Variants in GSE1 observed in about 807,000 individuals in gnomAD.
The protein encoded by GSE1 is genetic suppressor element 1.
Under a neutral mutation model 112.6 loss-of-function variants are expected in GSE1, and 32 were observed. That is an observed-to-expected ratio of 0.28 (90% CI 0.21 to 0.38). The LOEUF is 0.38. GSE1 is among the 10% of genes least tolerant of loss of function. The probability of loss-of-function intolerance (pLI) is 1.00; values close to 1 mark genes in which losing one functional copy is unlikely to be tolerated. For synonymous variants in GSE1, 1,115 were observed against 735.6 expected, an observed-to-expected ratio of 1.52 and a Z score of -8.35; for missense variants, 2,348 against 1,699.2, an observed-to-expected ratio of 1.38 and a Z score of -6.71.
chr16:85,613,223 C>T (rs1367703448), upstream of GSE1: 2 of 1,495,598 alleles, frequency 1.3e-6, no homozygotes, highest in Admixed American at 2.3e-5. Flanking sequence ...GTGTCCTCGG[C>T]GGCGACAGCA....
At chr16:85,571,619 C>T (rs1198320214) in intron 1 of GSE1, among the ~76,000 whole-genome samples, 3 of 152,218 alleles carry the variant, frequency 2.0e-5, no homozygotes, top group Non-Finnish European at 4.4e-5. Flanking sequence ...AGGTCTTTGC[C>T]GTGTTTGGGG....
intron 1 of GSE1, among the ~76,000 whole-genome samples, chr16:85,243,635 G>A (rs533576595): frequency 1.3e-5 from 2 of 152,372 alleles, no homozygotes; most frequent in Non-Finnish European, 1.5e-5. Context: ...GATGTTGTGA[G>A]TGGAGGAGCA....
At chr16:85,428,129 A>G (rs1325505009) in intron 2 of GSE1, among the ~76,000 whole-genome samples, 1 of 152,178 alleles carries the variant, frequency 6.6e-6, no homozygotes, top group Non-Finnish European at 1.5e-5. Flanking sequence ...GAACTGGTGC[A>G]TCTCGCCCAC....
rs7195805 is a variant in GSE1 at position 85,666,084 on chromosome 16, G to A, written c.2867G>A (p.Arg956Gln). 485 of 1,613,240 alleles carry A rather than the reference G, an allele frequency of 3.0e-4. No homozygotes were observed. In the African/African-American group the frequency reaches 4.0e-3, roughly 13 times the overall value. Reference sequence around the variant, plus strand: ...GAGCCTGGGAAGCTGGAACAGGTCCGGCCCCAGGAGCTGTCGAGAGTCCAG... The same window carrying A: ...GAGCCTGGGAAGCTGGAACAGGTCCAGCCCCAGGAGCTGTCGAGAGTCCAG... ...AAEPGKLEQV[R>Q]PQELSRVQEL... The change falls in exon 13 of 16, where the codon CGG (arginine) becomes CAG (glutamine). Residue 956 changes from arginine (R) to glutamine (Q), a missense_variant. Physicochemically the swap from Arg to Gln is conservative, Grantham distance 43 (BLOSUM62 1). Transcript: ENST00000253458.
intron 2 of GSE1, among the ~76,000 whole-genome samples, chr16:85,513,891 G>A (rs1272443514): frequency 2.0e-5 from 3 of 152,100 alleles, no homozygotes; most frequent in Non-Finnish European, 4.4e-5. Flanking sequence ...GGACCCCACC[G>A]CGGTGTCTGA....
chr16:85,494,708 A>G (rs1239058106), intron 2 of GSE1, among the ~76,000 whole-genome samples: 1 of 152,166 alleles, frequency 6.6e-6, no homozygotes, highest in Admixed American at 6.5e-5. Flanking sequence ...CTGGCCCCAA[A>G]TAAGGTCACA....
intron 1 of GSE1, among the ~76,000 whole-genome samples, chr16:85,629,189 C>T (rs1260064435): frequency 2.6e-5 from 4 of 152,220 alleles, no homozygotes; most frequent in African/African-American, 9.6e-5. Context: ...CCCACAGAGT[C>T]AGGAGCCAAA....
chr16:85,509,040 C>T (rs549867846), intron 2 of GSE1, among the ~76,000 whole-genome samples: 2 of 152,248 alleles, frequency 1.3e-5, no homozygotes, highest in South Asian at 4.1e-4. Flanking sequence ...GGGACTTGAA[C>T]CAGGACCTGA....
chr16:85,300,644 A>G (rs1039237161), intron 1 of GSE1, among the ~76,000 whole-genome samples: 5 of 152,216 alleles, frequency 3.3e-5, no homozygotes, highest in African/African-American at 1.2e-4. Flanking sequence ...GCCGAGGAAT[A>G]GTCCATGGAG....
chr16:85,651,438 G>A (rs1320519813), intron 3 of GSE1, among the ~76,000 whole-genome samples: 1 of 152,138 alleles, frequency 6.6e-6, no homozygotes, highest in Non-Finnish European at 1.5e-5. Context: ...TTTGTCCTCA[G>A]CCAGGCCAGG....
chr16:85,221,564 A>G (rs958352229), intron 1 of GSE1, among the ~76,000 whole-genome samples: 4 of 152,094 alleles, frequency 2.6e-5, no homozygotes, highest in African/African-American at 9.7e-5. Context: ...CAGGTTCCCT[A>G]AACCAGGCAC....
intron 2 of GSE1, among the ~76,000 whole-genome samples, chr16:85,496,028 G>C (rs1337838116): frequency 6.6e-6 from 1 of 152,186 alleles, no homozygotes; most frequent in Admixed American, 6.5e-5. Flanking sequence ...AGGGAACCTC[G>C]GGAATCGATT....
upstream of GSE1, chr16:85,611,632 G>A (rs2047990325): frequency 6.1e-6 from 2 of 329,594 alleles, no homozygotes; most frequent in South Asian, 1.2e-4. Context: ...CGGCCCGCGT[G>A]CGCCCCCACC....
intron 1 of GSE1, among the ~76,000 whole-genome samples, chr16:85,279,520 C>T (rs1160057198): frequency 6.6e-6 from 1 of 152,126 alleles, no homozygotes; most frequent in Non-Finnish European, 1.5e-5. Context: ...CACTTGAGCC[C>T]AGGAGGTGGA....
intron 2 of GSE1, among the ~76,000 whole-genome samples, chr16:85,401,345 C>T (rs763704184): frequency 5.6e-5 from 6 of 107,594 alleles, no homozygotes; most frequent in South Asian, 3.4e-4. Context: ...AGGGAGTACC[C>T]GGGCCATCAG....
chr16:85,396,272 C>T (rs2047963419), intron 2 of GSE1, among the ~76,000 whole-genome samples: 1 of 152,232 alleles, frequency 6.6e-6, no homozygotes, highest in South Asian at 2.1e-4. Context: ...CCCTGCTGCC[C>T]AGGCACTGGG....
At position 85,171,837 on chromosome 16, in the gene GSE1, C is replaced by A. The variant is rs954320865; in HGVS notation, c.2283+30C>A. The A allele has an allele frequency of 2.5e-5, 24 of 965,080 alleles. No individual in the cohort carries two copies. In the African/African-American group the frequency reaches 4.0e-4, roughly 16 times the overall value. The allele number at this position is 965,080 out of a possible 1,614,324, so 59.8% of individuals were successfully genotyped here. On this transcript the variant is annotated intron_variant, in intron 1 of 2. Coordinates refer to the GSE1 transcript ENST00000637419. ...GCAGCAGTTTTCATCTCATCTTAGA[C>A]GCTTCCTCCAAAATCCATTCAGGGA...
At chr16:85,466,235 C>A (rs1364618888) in intron 2 of GSE1, among the ~76,000 whole-genome samples, 1 of 152,236 alleles carries the variant, frequency 6.6e-6, no homozygotes, top group Non-Finnish European at 1.5e-5. Flanking sequence ...TGCCAGGGCC[C>A]AGGCTCTGGT....
intron 1 of GSE1, among the ~76,000 whole-genome samples, chr16:85,315,634 T>G (rs1173120313): frequency 6.6e-6 from 1 of 152,146 alleles, no homozygotes; most frequent in Non-Finnish European, 1.5e-5. Flanking sequence ...TGTGTAGACT[T>G]GAGACCGTGT....
Sources: gnomAD v4.1 joint callset for allele counts (sites outside exome capture counted in the v4.1 genomes callset) on GRCh38, gnomAD v4.1.1 for gene constraint, MANE v1.5 for transcripts, NCBI Gene and HGNC (gene_info 2026-07-23, HGNC 2026-07-21) for gene names.